Variants in SDCBP observed in about 807,000 individuals in gnomAD.
SDCBP encodes the protein syndecan binding protein.
Under a neutral mutation model 30.5 loss-of-function variants are expected in SDCBP, and 22 were observed. That is an observed-to-expected ratio of 0.72 (90% CI 0.52 to 1.03). The LOEUF (loss-of-function observed/expected upper bound fraction) is 1.03. SDCBP is among the 50% of genes least tolerant of loss of function. The probability of loss-of-function intolerance (pLI) is 0.00; values close to 1 mark genes in which losing one functional copy is unlikely to be tolerated. For missense variants in SDCBP, 304 were observed against 369.9 expected (o/e 0.82, Z 1.46); for synonymous variants, 103 against 118.7 (o/e 0.87, Z 0.86).
chr8:58,559,680 T>C (rs974814983), intron 1 of SDCBP, among the ~76,000 whole-genome samples: 2 of 152,112 alleles, frequency 1.3e-5, no homozygotes, highest in African/African-American at 4.8e-5. Context: ...AGATGTGTAA[T>C]AGCAGCAAGA....
chr8:58,576,273 T>C lies in SDCBP; in HGVS notation c.402+212T>C, dbSNP rs186617308. The C allele has an allele frequency of 3.4e-3, 1,591 of 471,826 alleles. 5 individuals carry two copies. The highest frequency in any genetic ancestry group is 5.0e-3 in the Non-Finnish European group (1,315 of 263,018). The allele number at this position is 471,826 out of a possible 1,614,324, so 29.2% of individuals were successfully genotyped here. ...CTTCTGACCACATTACTTTGAAAGA[T>C]GTTTCTTTTCTGAATATTCTAACTG... On this transcript the variant is annotated intron_variant, in intron 5 of 8. Transcript: ENST00000260130.
intron 5 of SDCBP, 173 bp from the exon 6 acceptor site, chr8:58,577,860 T>C (rs1805432046): frequency 4.2e-6 from 2 of 478,746 alleles, no homozygotes; most frequent in African/African-American, 4.1e-5. Context: ...TTTTTCAGTT[T>C]CTTTTGAGGT....
intron 7 of SDCBP, 152 bp downstream of exon 7, chr8:58,579,946 T>C: frequency 3.3e-6 from 2 of 607,742 alleles, no homozygotes; most frequent in African/African-American, 1.9e-5. Flanking sequence ...ACCGGAATTA[T>C]TTGGGCTGTC....
At chr8:58,569,334 C>T (rs1364295118) in intron 2 of SDCBP, among the ~76,000 whole-genome samples, 1 of 147,126 alleles carries the variant, frequency 6.8e-6, no homozygotes, top group South Asian at 2.1e-4. Context: ...TACCAAAGTG[C>T]TGGGATTACA....
intron 2 of SDCBP, among the ~76,000 whole-genome samples, chr8:58,568,354 A>C (rs371727801): frequency 9.2e-5 from 14 of 152,220 alleles, no homozygotes; most frequent in African/African-American, 3.4e-4. Context: ...CCTCCACATC[A>C]TCCCACTGAA....
chr8:58,553,490 G>A (rs1460860335), intron 1 of SDCBP, among the ~76,000 whole-genome samples, 187 bp downstream of exon 1: 3 of 152,090 alleles, frequency 2.0e-5, no homozygotes, highest in Admixed American at 6.5e-5. Flanking sequence ...TGCTGGCTGG[G>A]GGGGCAAGTT....
intron 1 of SDCBP, among the ~76,000 whole-genome samples, chr8:58,557,252 T>C (rs1170365371): frequency 7.7e-6 from 1 of 130,420 alleles, no homozygotes; most frequent in African/African-American, 3.0e-5. Context: ...TTTTAATCAA[T>C]ATTTATATTT....
At chr8:58,558,559 A>G (rs951942930) in intron 1 of SDCBP, among the ~76,000 whole-genome samples, 1 of 152,216 alleles carries the variant, frequency 6.6e-6, no homozygotes, top group African/African-American at 2.4e-5. Flanking sequence ...TTGGGATTAC[A>G]GGCACTGCGC....
At chr8:58,557,970 A>G (rs1382376489) in intron 1 of SDCBP, among the ~76,000 whole-genome samples, 1 of 152,204 alleles carries the variant, frequency 6.6e-6, no homozygotes. Flanking sequence ...ATTATTGGTC[A>G]TTATAAAATT....
chr8:58,557,065 A>C (rs1804163985), intron 1 of SDCBP, among the ~76,000 whole-genome samples: 2 of 129,260 alleles, frequency 1.5e-5, no homozygotes, highest in Admixed American at 8.4e-5. Context: ...ATACTATATT[A>C]TATAGTATAG....
At chr8:58,558,297 G>A (rs758278472) in intron 1 of SDCBP, among the ~76,000 whole-genome samples, 1 of 151,824 alleles carries the variant, frequency 6.6e-6, no homozygotes, top group Non-Finnish European at 1.5e-5. Context: ...TTTTTTATTG[G>A]TGAGACAGGG....
At chr8:58,571,778 C>T (rs1805042739) in intron 3 of SDCBP, among the ~76,000 whole-genome samples, 1 of 152,088 alleles carries the variant, frequency 6.6e-6, no homozygotes, top group African/African-American at 2.4e-5. Context: ...AAGAATCATT[C>T]CATATCCCTG....
intron 2 of SDCBP, among the ~76,000 whole-genome samples, chr8:58,567,365 A>G (rs1804756357): frequency 6.6e-6 from 1 of 152,228 alleles, no homozygotes; most frequent in South Asian, 2.1e-4. Flanking sequence ...GAAGTATTTT[A>G]AATTAATAAG....
intron 5 of SDCBP, 179 bp from the exon 6 acceptor site, chr8:58,577,854 T>C: frequency 4.2e-6 from 2 of 474,112 alleles, no homozygotes. Flanking sequence ...GATAAATTTT[T>C]CAGTTTCTTT....
chr8:58,567,820 G>GTAGAC (rs1804784604), intron 2 of SDCBP, among the ~76,000 whole-genome samples: 1 of 152,156 alleles, frequency 6.6e-6, no homozygotes, highest in Non-Finnish European at 1.5e-5. Flanking sequence ...ACTGAATACT[G>GTAGAC]TAGGCAATTG....
rs377175958 is a variant in SDCBP at position 58,580,607 on chromosome 8, C to T, written c.841C>T (p.Arg281Trp). ...TTTTATCTTTGAACATATTATTAAGCGGTAAGTAAACAATTCCTCAACTTA... is the reference window on the plus strand; with the variant it reads ...TTTTATCTTTGAACATATTATTAAGTGGTAAGTAAACAATTCCTCAACTTA... Reference protein sequence around the residue: ...PAFIFEHIIKRMAPSIMKSLM... With the variant: ...PAFIFEHIIKWMAPSIMKSLM... The change falls in exon 8 of 9, where the codon CGG becomes TGG. Residue 281 changes from arginine (R) to tryptophan (W), a missense_variant and splice_region_variant. Coordinates refer to ENST00000260130, the MANE Select transcript of SDCBP (RefSeq NM_005625.4). 15 of 1,469,546 alleles carry T rather than the reference C, an allele frequency of 1.0e-5. No individual in the cohort carries two copies. Among genetic ancestry groups the T allele is most frequent in the East Asian group, 4.5e-5 (2 of 44,054 alleles). The allele number at this position is 1,469,546 out of a possible 1,614,324, so 91.0% of individuals were successfully genotyped here.
intron 1 of SDCBP, among the ~76,000 whole-genome samples, chr8:58,557,192 A>G (rs1273612957): frequency 1.6e-5 from 2 of 127,106 alleles, no homozygotes; most frequent in Non-Finnish European, 3.1e-5. Context: ...ATATAGTATT[A>G]TTATATATTA....
chr8:58,557,424 A>G (rs1007099299), intron 1 of SDCBP, among the ~76,000 whole-genome samples: 20 of 143,412 alleles, frequency 1.4e-4, no homozygotes, highest in African/African-American at 3.8e-4. Flanking sequence ...AATATAATAT[A>G]TATTATATAT....
At chr8:58,571,298 T>C (rs1255663558) in intron 3 of SDCBP, among the ~76,000 whole-genome samples, 1 of 152,144 alleles carries the variant, frequency 6.6e-6, no homozygotes, top group Non-Finnish European at 1.5e-5. Flanking sequence ...TTAAGAACTA[T>C]CATGCTGCTG....
Sources: allele counts gnomAD v4.1 joint callset (sites outside exome capture counted in the v4.1 genomes callset), GRCh38; gene constraint gnomAD v4.1.1; transcripts MANE v1.5; gene names NCBI Gene and HGNC (gene_info 2026-07-23, HGNC 2026-07-21).